Variants in EVC observed in about 807,000 individuals in gnomAD.
The protein encoded by EVC is EvC ciliary complex subunit 1.
EVC carries 116 observed loss-of-function variants against 118.9 expected under a neutral mutation model. The ratio of observed to expected loss-of-function variants is 0.98; its 90% confidence interval spans 0.84 to 1.14. The LOEUF (loss-of-function observed/expected upper bound fraction) is 1.14, where lower values mean the gene tolerates loss of function less well. Ranked by LOEUF, EVC falls within the 50% of genes most tolerant of loss-of-function variation. The probability of loss-of-function intolerance (pLI) is 0.00; values close to 1 mark genes in which losing one functional copy is unlikely to be tolerated. For synonymous variants in EVC, 619 were observed against 534.7 expected (o/e 1.16, Z -2.18); for missense variants, 1,401 against 1,246.4 (o/e 1.12, Z -1.87).
At position 5,778,079 on chromosome 4, in the gene EVC, A is replaced by T. The variant is rs200723680; in HGVS notation, c.1564-5473A>T. 4.4e-4 allele frequency among the ~76,000 whole-genome samples: 66 copies of T among 150,754 alleles called. 1 individual carries two copies. In the East Asian group the frequency reaches 9.2e-3, roughly 21 times the overall value. On this transcript the variant is annotated intron_variant, in intron 11 of 20. Transcript: ENST00000264956. Reference sequence around the variant, plus strand: ...GTTCATTTCCCACCTATGAGTGAGAATATGCGGTGTTTGGTTTTTTGTTCT... The same window carrying T: ...GTTCATTTCCCACCTATGAGTGAGATTATGCGGTGTTTGGTTTTTTGTTCT...
chr4:5,815,348 C>G (rs1717504697), downstream of EVC, among the ~76,000 whole-genome samples: 1 of 152,004 alleles, frequency 6.6e-6, no homozygotes, highest in Admixed American at 6.6e-5. Context: ...AAAGGCAGAC[C>G]AATAGGAAAA....
the EVC span, among the ~76,000 whole-genome samples, chr4:5,827,746 C>CAT: frequency 2.0e-5 from 3 of 152,056 alleles, no homozygotes; most frequent in Admixed American, 6.5e-5. Context: ...CACACACACA[C>CAT]ACACACACGA....
intron 12 of EVC, 88 bp downstream of exon 12, chr4:5,783,852 C>T (rs571228081): frequency 4.9e-6 from 6 of 1,234,744 alleles, no homozygotes; most frequent in Middle Eastern, 2.6e-4. Context: ...TGAACACCCA[C>T]TAGTGCCTAT....
At chr4:5,748,410 G>T in intron 8 of EVC, 104 bp downstream of exon 8, 1 of 1,276,278 alleles carries the variant, frequency 7.8e-7, no homozygotes. Context: ...GTTGTAGCTG[G>T]TTATATAGAG....
rs149155153 is a variant in EVC, at chr4:5,813,729, G to A, written c.*2692G>A. On this transcript the variant is annotated 3_prime_UTR_variant, in exon 21 of 21. Transcript: ENST00000264956. ...CGGCTGCCTCCCCGCCACCGAGCTTGTAGCCTGAATGCCTGGCTGTCGCAT... is the reference window on the plus strand; with the variant it reads ...CGGCTGCCTCCCCGCCACCGAGCTTATAGCCTGAATGCCTGGCTGTCGCAT... The A allele has an allele frequency of 6.6e-6, 1 of 152,344 alleles. No individual in the cohort carries two copies. Among genetic ancestry groups the A allele is most frequent in the South Asian group, 2.1e-4 (1 of 4,830 alleles). 9.4% of individuals were successfully genotyped at this position (152,344 alleles called of 1,614,324 possible). A position where few individuals can be genotyped will look rare whatever the true frequency, so the allele number is the denominator to read the frequency against.
rs1453801499 is a variant in EVC at position 5,755,648 on chromosome 4, T to C, written c.1465-616T>C. 6.6e-6 allele frequency among the ~76,000 whole-genome samples: 1 copy of C among 152,134 alleles called. No individual in the cohort carries two copies. The highest frequency in any genetic ancestry group is 1.5e-5 in the Non-Finnish European group (1 of 68,008). On this transcript the variant is annotated intron_variant, in intron 10 of 20. Coordinates refer to ENST00000264956, the MANE Select transcript of EVC (RefSeq NM_153717.3). This position sits in a 1 kb window ranked among gnomAD's most constrained non-coding sequence, Gnocchi z 4.1. ...GGAGTCCTTCCTTGTCCTTAGAGAC[T>C]CCATTGAAACATCTCCCCAACAGGG...
chr4:5,733,541 T>A, intron 5 of EVC, 106 bp downstream of exon 5: 1 of 1,003,016 alleles, frequency 1.0e-6, no homozygotes, highest in Non-Finnish European at 1.6e-6. Flanking sequence ...CAGACATCAG[T>A]GGAAACAGAG....
At chr4:5,748,637 C>A in intron 8 of EVC, among the ~76,000 whole-genome samples, 2 of 118,472 alleles carry the variant, frequency 1.7e-5, no homozygotes, top group African/African-American at 3.3e-5. Context: ...TCCATCTGCC[C>A]TCCCACCCAT....
intron 19 of EVC, 30 bp from the exon 20 acceptor site, chr4:5,810,309 G>T: frequency 6.4e-7 from 1 of 1,566,862 alleles, no homozygotes; most frequent in Non-Finnish European, 8.8e-7. Flanking sequence ...AAGTCACAGA[G>T]CCATGCCTGG....
At chr4:5,773,803 C>A (rs577363369) in intron 11 of EVC, among the ~76,000 whole-genome samples, 1 of 152,254 alleles carries the variant, frequency 6.6e-6, no homozygotes, top group South Asian at 2.1e-4. Context: ...CTCAAGCTCA[C>A]CTGTGCTCTC....
At position 5,759,510 on chromosome 4, in the gene EVC, G is replaced by A. The variant is rs570674026; in HGVS notation, c.1563+3148G>A. Among the ~76,000 whole-genome samples the A allele has an allele frequency of 9.2e-5, 14 of 152,292 alleles. No individual in the cohort carries two copies. In the East Asian group the frequency reaches 1.2e-3, roughly 13 times the overall value. On this transcript the variant is annotated intron_variant, in intron 11 of 20. Coordinates refer to ENST00000264956, the MANE Select transcript of EVC (RefSeq NM_153717.3). ...AGGTGGCCCAGAGGCTATGGGCGGC[G>A]GGGGTGGTTTCAGCAGCATTCTCCT...
intron 5 of EVC, among the ~76,000 whole-genome samples, chr4:5,734,810 C>T (rs1252994820): frequency 6.6e-6 from 1 of 152,192 alleles, no homozygotes; most frequent in African/African-American, 2.4e-5. Context: ...CCTTCACCCC[C>T]TCTATCCCCA....
At chr4:5,753,961 T>G in intron 10 of EVC, 28 bp downstream of exon 10, 8 of 1,612,102 alleles carry the variant, frequency 5.0e-6, no homozygotes, top group African/African-American at 1.3e-5. Context: ...CCTCTGCACA[T>G]GTGGGTGAGC....
Position 5,801,995 on chromosome 4 carries a change from G to A in EVC, c.2350G>A (p.Ala784Thr), listed in dbSNP as rs149537641. 2.3e-4 allele frequency: 377 copies of A among 1,614,112 alleles called. No individual in the cohort carries two copies. The highest frequency in any genetic ancestry group is 2.8e-4 in the Admixed American group (17 of 60,034). Reference protein sequence around the residue: ...AAVESVYVTSAGVSRLVQAYY... With the variant: ...AAVESVYVTSTGVSRLVQAYY... ...AGTGGAGAGCGTCTACGTGACCAGC[G>A]CTGGTGTCAGCCGCCTGGTGCAGGC... Residue 784 changes from alanine to threonine, a missense_variant, in exon 16 of 21, where the codon GCT (alanine) becomes ACT (threonine). Transcript: ENST00000264956.
chr4:5,723,236 C>G (rs1259640312), intron 2 of EVC, among the ~76,000 whole-genome samples: 1 of 148,368 alleles, frequency 6.7e-6, no homozygotes, highest in Non-Finnish European at 1.5e-5. Flanking sequence ...GTTGTCCAGT[C>G]TGGAGTGCAG....
chr4:5,728,783 T>C (rs1386138714), intron 2 of EVC, among the ~76,000 whole-genome samples: 1 of 152,364 alleles, frequency 6.6e-6, no homozygotes, highest in African/African-American at 2.4e-5. Flanking sequence ...CTAAAATTAT[T>C]CTGTGTGTTT....
At chr4:5,763,505 T>G (rs1732396458) in intron 11 of EVC, among the ~76,000 whole-genome samples, 1 of 145,824 alleles carries the variant, frequency 6.9e-6, no homozygotes, top group Admixed American at 6.9e-5. Flanking sequence ...ATGGCCATTT[T>G]CACGATATTG....
chr4:5,826,231 G>T, the EVC span: 1 of 139,962 alleles, frequency 7.1e-6, no homozygotes, highest in African/African-American at 3.4e-5. Flanking sequence ...CCCCGGAAAG[G>T]ACCCCTGAGT....
rs1024367163 is a variant in EVC, at chr4:5,743,992, A to G, written c.802-1212A>G. ...CCTTGGAGTCTGCAGACCTCAGATC[A>G]AATTCCATCTCTACGAGTTAAACAA... On this transcript the variant is annotated intron_variant, in intron 6 of 20. Coordinates refer to ENST00000264956, the MANE Select transcript of EVC (RefSeq NM_153717.3). The surrounding 1 kb of genome is among the most constrained non-coding windows in gnomAD (Gnocchi z 4.7). Among the ~76,000 whole-genome samples the G allele has an allele frequency of 6.6e-6, 1 of 152,214 alleles. No homozygotes were observed.
Sources: gnomAD v4.1 joint callset for allele counts (sites outside exome capture counted in the v4.1 genomes callset) on GRCh38, gnomAD v4.1.1 for gene constraint, Gnocchi (gnomAD v3.1) non-coding constraint, MANE v1.5 for transcripts, NCBI Gene and HGNC (gene_info 2026-07-23, HGNC 2026-07-21) for gene names.